The following PLA2G4A variants were observed in gnomAD, a reference collection of about 807,000 sequenced individuals.
The protein encoded by PLA2G4A is cytosolic phospholipase A2.
Under a neutral mutation model 81.9 loss-of-function variants are expected in PLA2G4A, and 40 were observed. The ratio of observed to expected loss-of-function variants is 0.49; its 90% CI spans 0.38 to 0.64. PLA2G4A has a LOEUF of 0.64. Among genes scored for constraint, PLA2G4A ranks in the 30% least tolerant of loss-of-function variants. The pLI, the probability that PLA2G4A is intolerant of heterozygous loss-of-function variation, is 0.00. For synonymous variants in PLA2G4A, 302 were observed against 296.9 expected (o/e 1.02, Z -0.18); for missense variants, 715 against 905.1 (o/e 0.79, Z 2.69).
At chr1:186,877,998 T>C (rs1180026867) in intron 3 of PLA2G4A, among the ~76,000 whole-genome samples, 2 of 149,944 alleles carry the variant, frequency 1.3e-5, no homozygotes, top group Non-Finnish European at 3.0e-5. Context: ...ATTTAATTAA[T>C]CTTTTTTACA....
chr1:186,960,035 T>C (rs186879884), intron 14 of PLA2G4A, among the ~76,000 whole-genome samples: 70 of 152,258 alleles, frequency 4.6e-4, no homozygotes, highest in African/African-American at 1.6e-3. Context: ...CTAAAATCAG[T>C]AAAAGTGCGC....
chr1:186,831,793 T>C (rs1293140370), intron 1 of PLA2G4A, among the ~76,000 whole-genome samples: 3 of 151,946 alleles, frequency 2.0e-5, no homozygotes, highest in Non-Finnish European at 4.4e-5. Flanking sequence ...GTACCCAGTA[T>C]GCATCAGCAA....
chr1:186,978,671 G>T (rs1657615233), intron 16 of PLA2G4A, among the ~76,000 whole-genome samples: 1 of 152,176 alleles, frequency 6.6e-6, no homozygotes, highest in Non-Finnish European at 1.5e-5. Flanking sequence ...TGAGCAGTTG[G>T]CATGTGTAGG....
At chr1:186,977,539 C>G in intron 15 of PLA2G4A, 54 bp from the exon 16 acceptor site, 1 of 1,219,142 alleles carries the variant, frequency 8.2e-7, no homozygotes, top group Non-Finnish European at 1.2e-6. Flanking sequence ...GTCAGACCAA[C>G]TGAATCAATG....
chr1:186,917,705 G>A (rs995515304), intron 7 of PLA2G4A, among the ~76,000 whole-genome samples: 3 of 152,138 alleles, frequency 2.0e-5, no homozygotes, highest in Non-Finnish European at 4.4e-5. Context: ...TTTTCAGTTC[G>A]TGTTGGATAA....
At chr1:186,868,667 T>C (rs1269250398) in intron 2 of PLA2G4A, among the ~76,000 whole-genome samples, 1 of 152,210 alleles carries the variant, frequency 6.6e-6, no homozygotes, top group East Asian at 1.9e-4. Context: ...TGGTGCTTTC[T>C]GTTTTGTAAG....
chr1:186,914,070 A>G (rs1029605618), intron 7 of PLA2G4A, among the ~76,000 whole-genome samples: 4 of 147,560 alleles, frequency 2.7e-5, no homozygotes, highest in Non-Finnish European at 4.4e-5. Flanking sequence ...TCAATCCTGC[A>G]TCTTTTGTTT....
At chr1:186,856,965 A>C (rs1011638863) in intron 2 of PLA2G4A, among the ~76,000 whole-genome samples, 1 of 148,348 alleles carries the variant, frequency 6.7e-6, no homozygotes, top group African/African-American at 2.5e-5. Flanking sequence ...AAAACATTTC[A>C]AAAAATATGA....
At chr1:186,900,920 A>G (rs1215708909) in intron 5 of PLA2G4A, among the ~76,000 whole-genome samples, 1 of 152,090 alleles carries the variant, frequency 6.6e-6, no homozygotes, top group Non-Finnish European at 1.5e-5. Context: ...GCTTTCTTTG[A>G]TTGTTGCTTA....
chr1:186,899,143 A>T (rs759024420), intron 5 of PLA2G4A, among the ~76,000 whole-genome samples: 1 of 152,210 alleles, frequency 6.6e-6, no homozygotes, highest in Non-Finnish European at 1.5e-5. Flanking sequence ...GGCAGTGTGT[A>T]TATGTGTGTA....
At chr1:186,884,247 A>G (rs60328504) in intron 3 of PLA2G4A, among the ~76,000 whole-genome samples, 18,843 of 150,954 alleles carry the variant, frequency 0.12, 1,785 homozygotes, top group East Asian at 0.45. Flanking sequence ...ACTACATCTA[A>G]TCCTCCCCCT....
chr1:186,962,895 T>G (rs1256249541), intron 14 of PLA2G4A, among the ~76,000 whole-genome samples: 4 of 152,206 alleles, frequency 2.6e-5, no homozygotes, highest in Non-Finnish European at 4.4e-5. Context: ...AAAGTAATAG[T>G]GTCACACCGT....
At chr1:186,982,672 TGTGTGTGTGTGC>T (rs1490561630) in intron 17 of PLA2G4A, among the ~76,000 whole-genome samples, 2 of 1,134 alleles carry the variant, frequency 1.8e-3, no homozygotes, top group African/African-American at 2.1e-3. Flanking sequence ...AACTCCTCTT[TGTGTGTGTGTGC>T]GTGTGTGTGT....
At chr1:186,966,322 G>C (rs1481261211) in intron 15 of PLA2G4A, among the ~76,000 whole-genome samples, 1 of 151,882 alleles carries the variant, frequency 6.6e-6, no homozygotes, top group Non-Finnish European at 1.5e-5. Context: ...GGAGAGATGA[G>C]ATATAGGATG....
rs1448056420 is a variant in PLA2G4A at position 186,946,849 on chromosome 1, C to T, written c.1172-20C>T. ...AACCTGGGATATTTTAAGTTATTTT[C>T]TGTTTCTGTTTTATTTTAGGTGTCT... On this transcript the variant is annotated intron_variant, in intron 11 of 17. Coordinates refer to ENST00000367466, the MANE Select transcript of PLA2G4A (RefSeq NM_024420.3). 1 of 1,600,862 alleles carries T rather than the reference C, an allele frequency of 6.2e-7. No homozygotes were observed. The highest frequency in any genetic ancestry group is 8.6e-7 in the Non-Finnish European group (1 of 1,168,432).
In PLA2G4A at chr1:186,835,941, T is replaced by C. The variant is rs141790408; in HGVS notation, c.-70+6906T>C. 6.2e-3 allele frequency among the ~76,000 whole-genome samples: 951 copies of C among 152,294 alleles called. 12 individuals carry two copies. The highest frequency in any genetic ancestry group is 0.021 in the African/African-American group (858 of 41,556). On this transcript the variant is annotated intron_variant, in intron 1 of 17. Transcript: ENST00000367466. Reference sequence around the variant, plus strand: ...TGGTGACAACCAGAGATTTACATTTTATATATATAAAGCTTCACAATATTT... The same window carrying C: ...TGGTGACAACCAGAGATTTACATTTCATATATATAAAGCTTCACAATATTT...
At chr1:186,844,943 G>T (rs997060762) in intron 1 of PLA2G4A, among the ~76,000 whole-genome samples, 1 of 152,052 alleles carries the variant, frequency 6.6e-6, no homozygotes, top group Non-Finnish European at 1.5e-5. Context: ...GGCCACACCT[G>T]ATCACACTGT....
chr1:186,838,202 C>T (rs1367840491), intron 1 of PLA2G4A, among the ~76,000 whole-genome samples: 1 of 152,098 alleles, frequency 6.6e-6, no homozygotes, highest in Non-Finnish European at 1.5e-5. Context: ...TAAAACTAGC[C>T]TTCCAGGGTA....
At position 186,863,761 on chromosome 1, in the gene PLA2G4A, A is replaced by AATTT. The variant is rs576975261; in HGVS notation, c.34-6674_34-6673insATTT. On this transcript the variant is annotated intron_variant, in intron 2 of 17. Transcript: ENST00000367466. ...ATTTGTTTTTCTGTGCAAATATATAATTTTTTTTTTTTTTTTGGGGACAGA... is the reference window on the plus strand; with the variant it reads ...ATTTGTTTTTCTGTGCAAATATATAAATTTTTTTTTTTTTTTTTTTGGGGACAGA... 4.2e-3 allele frequency among the ~76,000 whole-genome samples: 327 copies of AATTT among 78,246 alleles called. 1 individual carries two copies. The highest frequency in any genetic ancestry group is 0.014 in the African/African-American group (312 of 22,368). The allele number at this position is 78,246 out of a possible 152,430, so 51.3% of individuals were successfully genotyped here.
Sources: allele counts gnomAD v4.1 joint callset (sites outside exome capture counted in the v4.1 genomes callset), GRCh38; gene constraint gnomAD v4.1.1; transcripts MANE v1.5; gene names NCBI Gene and HGNC (gene_info 2026-07-23, HGNC 2026-07-21).